STK39: variants seen among roughly 807,000 people sequenced by gnomAD.
The protein encoded by STK39 is STE20/SPS1-related proline-alanine-rich protein kinase.
In STK39, 20 loss-of-function variants were observed where a neutral mutation model predicts 77.8. That is an observed-to-expected ratio of 0.26 (90% CI 0.18 to 0.37). The LOEUF (loss-of-function observed/expected upper bound fraction) is 0.37, where lower values mean the gene tolerates loss of function less well. Among genes scored for constraint, STK39 ranks in the 10% least tolerant of loss-of-function variants. STK39 has a pLI of 1.00. For missense variants in STK39, 479 were observed against 656.5 expected (o/e 0.73, Z 2.95); for synonymous variants, 246 against 234.1 (o/e 1.05, Z -0.47).
At chr2:168,138,541 T>C (rs530891827) in intron 7 of STK39, among the ~76,000 whole-genome samples, 1 of 152,314 alleles carries the variant, frequency 6.6e-6, no homozygotes, top group East Asian at 1.9e-4. Flanking sequence ...CACAGGCTAG[T>C]TGGGAAAGCG....
At chr2:168,243,952 T>C (rs1262134811) in intron 1 of STK39, among the ~76,000 whole-genome samples, 1 of 152,154 alleles carries the variant, frequency 6.6e-6, no homozygotes, top group African/African-American at 2.4e-5. Flanking sequence ...GAACAAAGAT[T>C]AACAAGGCTG....
At chr2:167,999,093 C>G (rs1683926693) in intron 16 of STK39, among the ~76,000 whole-genome samples, 1 of 152,194 alleles carries the variant, frequency 6.6e-6, no homozygotes, top group African/African-American at 2.4e-5. Context: ...CCCCTGCCCC[C>G]TCCCCATCCT....
intron 16 of STK39, among the ~76,000 whole-genome samples, chr2:168,002,632 G>A (rs1222873028): frequency 2.6e-5 from 4 of 152,088 alleles, no homozygotes; most frequent in African/African-American, 7.2e-5. Context: ...TGAGTTTGGC[G>A]CAGAGGAGTA....
At chr2:168,180,615 A>G (rs954108938) in intron 2 of STK39, among the ~76,000 whole-genome samples, 4 of 152,152 alleles carry the variant, frequency 2.6e-5, no homozygotes, top group African/African-American at 9.7e-5. Context: ...CTCTCCCCAC[A>G]GTTTATAAAA....
chr2:168,191,671 G>A (rs1418046118), intron 1 of STK39, among the ~76,000 whole-genome samples: 2 of 152,154 alleles, frequency 1.3e-5, no homozygotes, highest in Admixed American at 1.3e-4. Context: ...GAGAACCATG[G>A]TTCCCTCCTG....
chr2:167,956,271 T>G (rs1374925477), intron 17 of STK39, among the ~76,000 whole-genome samples: 2 of 152,190 alleles, frequency 1.3e-5, no homozygotes, highest in East Asian at 1.9e-4. Context: ...AAAAAGCCAT[T>G]GCCTTGGCCA....
intron 10 of STK39, among the ~76,000 whole-genome samples, chr2:168,090,459 T>C (rs1442822382): frequency 3.3e-5 from 5 of 152,170 alleles, no homozygotes; most frequent in Admixed American, 6.5e-5. Flanking sequence ...GCTGAAGGGA[T>C]ATGAAGAAAA....
In STK39 at chr2:168,080,662, T is replaced by C. The variant is rs527858290; in HGVS notation, c.1090-5431A>G. Reference sequence around the variant, plus strand: ...AAAAAAATGTTAATCACCAAGACAATGGGGAAAACATCTCCAGGGCATGAC... The same window carrying C: ...AAAAAAATGTTAATCACCAAGACAACGGGGAAAACATCTCCAGGGCATGAC... On this transcript the variant is annotated intron_variant, in intron 10 of 17. Transcript: ENST00000355999. Among the ~76,000 whole-genome samples, 4 of 149,988 alleles carry C rather than the reference T, an allele frequency of 2.7e-5. 1 individual carries two copies. The highest frequency in any genetic ancestry group is 9.8e-5 in the African/African-American group (4 of 40,824).
intron 14 of STK39, among the ~76,000 whole-genome samples, chr2:168,047,292 G>A (rs1685269047): frequency 6.6e-6 from 1 of 152,360 alleles, no homozygotes; most frequent in Non-Finnish European, 1.5e-5. Flanking sequence ...GATTTACAAT[G>A]TTAGAGTTTA....
At chr2:168,081,429 C>A (rs151215021) in intron 10 of STK39, among the ~76,000 whole-genome samples, 6,636 of 152,314 alleles carry the variant, frequency 0.044, 196 homozygotes, top group Non-Finnish European at 0.07. Flanking sequence ...TGGCCAATTT[C>A]TCCCATTTGG....
chr2:168,096,991 A>G (rs1686685873), intron 10 of STK39, among the ~76,000 whole-genome samples: 1 of 152,222 alleles, frequency 6.6e-6, no homozygotes, highest in Non-Finnish European at 1.5e-5. Context: ...TTACTGTTCT[A>G]TGGCCCTTTC....
At chr2:168,022,992 G>C (rs905919654) in intron 14 of STK39, among the ~76,000 whole-genome samples, 11 of 152,186 alleles carry the variant, frequency 7.2e-5, no homozygotes, top group African/African-American at 2.7e-4. Context: ...GTTGCTCACT[G>C]CAGCCTCGAA....
At chr2:168,140,815 T>C (rs1305776555) in intron 5 of STK39, 57 bp from the exon 6 acceptor site, 1 of 1,391,398 alleles carries the variant, frequency 7.2e-7, no homozygotes, top group Admixed American at 2.2e-5. Context: ...GCTTATAAAT[T>C]GTGATTTTTT....
intron 8 of STK39, among the ~76,000 whole-genome samples, chr2:168,136,326 G>A (rs1350566309): frequency 1.4e-5 from 2 of 146,398 alleles, no homozygotes; most frequent in East Asian, 2.0e-4. Flanking sequence ...CCAAGATCGC[G>A]CCACTGCACT....
In STK39 at chr2:168,012,698, T is replaced by C. The variant is rs1170327733; in HGVS notation, c.1434A>G (p.Thr478=). ...AGAGCTCCTGAGATACACCATCTGC[T>C]GTATCTGTCCAAATGTGAAATGAAT... ...IRFEFTPGRD[T]ADGVSQELFS... The change falls in exon 16 of 18, where the codon ACA becomes ACG. Residue 478 remains threonine (T), a synonymous_variant. Coordinates refer to ENST00000355999, the MANE Select transcript of STK39 (RefSeq NM_013233.3). The C allele has an allele frequency of 1.2e-6, 2 of 1,613,492 alleles. No individual in the cohort carries two copies. Among genetic ancestry groups the C allele is most frequent in the East Asian group, 4.5e-5 (2 of 44,818 alleles).
At chr2:168,074,459 G>C (rs571457582) in intron 12 of STK39, among the ~76,000 whole-genome samples, 32 of 152,274 alleles carry the variant, frequency 2.1e-4, no homozygotes, top group African/African-American at 7.0e-4. Flanking sequence ...AGGCCTCAAA[G>C]GGAAGCTGTT....
At chr2:168,002,994 A>T (rs1181403297) in intron 16 of STK39, among the ~76,000 whole-genome samples, 4 of 151,974 alleles carry the variant, frequency 2.6e-5, no homozygotes, top group Non-Finnish European at 4.4e-5. Context: ...ATTTATTTTT[A>T]TTTTTTTGAG....
At chr2:168,131,075 G>C (rs1559111919) in intron 8 of STK39, among the ~76,000 whole-genome samples, 1 of 152,196 alleles carries the variant, frequency 6.6e-6, no homozygotes, top group Non-Finnish European at 1.5e-5. Context: ...TTTCTTAGGT[G>C]TGGAAAATTA....
At chr2:168,244,375 G>A (rs964929806) in intron 1 of STK39, among the ~76,000 whole-genome samples, 22 of 152,196 alleles carry the variant, frequency 1.4e-4, no homozygotes, top group Middle Eastern at 3.2e-3. Flanking sequence ...AAAGTCCTCC[G>A]TGCCCGTGCC....
Sources: allele counts gnomAD v4.1 joint callset (sites outside exome capture counted in the v4.1 genomes callset), GRCh38; gene constraint gnomAD v4.1.1; transcripts MANE v1.5; gene names NCBI Gene and HGNC (gene_info 2026-07-23, HGNC 2026-07-21).